The following GCN1 variants were observed in gnomAD, a reference collection of about 807,000 sequenced individuals.
GCN1 encodes stalled ribosome sensor GCN1.
In GCN1, 90 loss-of-function variants were observed where a neutral mutation model predicts 288.4. The observed-to-expected ratio is 0.31, with a 90% CI of 0.26 to 0.37. GCN1 has a LOEUF of 0.37. Ranked by LOEUF, GCN1 falls within the 10% of genes least tolerant of loss-of-function variation. The pLI, the probability that GCN1 is intolerant of heterozygous loss-of-function variation, is 1.00. For missense variants in GCN1, 2,586 were observed against 3,419.9 expected, an observed-to-expected ratio of 0.76 and a Z score of 6.08; for synonymous variants, 1,386 against 1,420.2, an observed-to-expected ratio of 0.98 and a Z score of 0.54.
chr12:120,129,173 G>C (rs1015713559), intron 57 of GCN1, 103 bp downstream of exon 57: 50 of 933,806 alleles, frequency 5.4e-5, no homozygotes, highest in Non-Finnish European at 8.2e-5. Context: ...TAGCACATCC[G>C]TGGTGGCAGA....
Position 120,144,343 on chromosome 12 carries a change from G to C in GCN1, c.5458C>G (p.Leu1820Val). 6.2e-7 allele frequency: 1 copy of C among 1,614,246 alleles called. No individual in the cohort carries two copies. Among genetic ancestry groups the C allele is most frequent in the Non-Finnish European group, 8.5e-7 (1 of 1,180,040 alleles). Residue 1820 changes from leucine (L) to valine (V), a missense_variant, in exon 42 of 58, where the codon CTA becomes GTA. Physicochemically the swap from Leu to Val is conservative, Grantham distance 32. Around this residue, in one of 8 missense-constraint regions of GCN1, gnomAD observed 371 missense variants for 572.6 expected, o/e 0.65. Coordinates refer to ENST00000300648, the MANE Select transcript of GCN1 (RefSeq NM_006836.2). This position sits in a 1 kb window ranked among gnomAD's most constrained non-coding sequence, Gnocchi z 4.7. ...AGGTCATCAAAGAGGCCTTGCTCTA[G>C]CTGGGGCAGCAGCAGGGCGATGGCT... ...ETAIALLLPQ[L>V]EQGLFDDLWR... is the part of the protein sequence containing the mutation.
intron 9 of GCN1, among the ~76,000 whole-genome samples, chr12:120,176,518 G>T (rs982215596): frequency 1.3e-5 from 2 of 152,210 alleles, no homozygotes; most frequent in African/African-American, 4.8e-5. Context: ...AATGTCTACA[G>T]AGGAGGTTCT....
At position 120,190,376 on chromosome 12, in the gene GCN1, C is replaced by A. The variant is rs1282705209; in HGVS notation, c.43G>T (p.Ala15Ser). 1.2e-6 allele frequency: 2 copies of A among 1,606,888 alleles called. No individual in the cohort carries two copies. The highest frequency in any genetic ancestry group is 1.7e-6 in the Non-Finnish European group (2 of 1,173,602). Residue 15 changes from alanine (A) to serine (S), a missense_variant, in exon 2 of 58, where the codon GCA becomes TCA. Around this residue, in one of 8 missense-constraint regions of GCN1, gnomAD observed 913 missense variants for 1,107.0 expected, o/e 0.82. Coordinates refer to ENST00000300648, the MANE Select transcript of GCN1 (RefSeq NM_006836.2). Reference protein sequence around the residue: ...TQVSETLKRFAGKVTTASVKE... With the variant: ...TQVSETLKRFSGKVTTASVKE... The stretch of plus-strand genomic sequence containing the variant: ...ACACTGGCTGTTGTCACCTTCCCTG[C>A]AAAACGCTTTAGTGTCTCGGAAACC...
intron 24 of GCN1, among the ~76,000 whole-genome samples, 183 bp downstream of exon 24, chr12:120,159,642 G>A (rs1180750945): frequency 3.3e-5 from 5 of 152,222 alleles, no homozygotes; most frequent in African/African-American, 4.8e-5. Context: ...TGGGAGAGAA[G>A]AGGAGGCACT....
intron 16 of GCN1, 44 bp downstream of exon 16, chr12:120,168,164 A>G: frequency 8.8e-7 from 1 of 1,141,600 alleles, no homozygotes; most frequent in Non-Finnish European, 1.3e-6. Flanking sequence ...TTCCAAAGAG[A>G]CTTTGCCTCA....
intron 35 of GCN1, 62 bp downstream of exon 35, chr12:120,149,860 A>C: frequency 6.2e-7 from 1 of 1,606,062 alleles, no homozygotes; most frequent in African/African-American, 1.3e-5. Context: ...GCCTGCAGAC[A>C]CAGCTGGGAA....
In GCN1 at chr12:120,144,616, C is replaced by T. The variant is rs762695278; in HGVS notation, c.5352+23G>A. 4.4e-6 allele frequency: 7 copies of T among 1,604,704 alleles called. No homozygotes were observed. The Admixed American group carries it at 6.7e-5, about 15-fold the overall frequency. ...TCCTGCCCTCCTCAAGGACTCTACCCTTGCCAAGGTCATGGTACCTACTTT... is the reference window on the plus strand; with the variant it reads ...TCCTGCCCTCCTCAAGGACTCTACCTTTGCCAAGGTCATGGTACCTACTTT... On this transcript the variant is annotated intron_variant, in intron 41 of 57. Transcript: ENST00000300648. This position sits in a 1 kb window ranked among gnomAD's most constrained non-coding sequence, Gnocchi z 4.7.
intron 2 of GCN1, among the ~76,000 whole-genome samples, chr12:120,188,510 A>G (rs1401672133): frequency 1.3e-5 from 2 of 151,124 alleles, no homozygotes; most frequent in African/African-American, 2.4e-5. Flanking sequence ...ATCACCTACT[A>G]CCATGGTGCT....
chr12:120,151,022 G>C (rs1306032526), intron 34 of GCN1, 123 bp downstream of exon 34: 3 of 1,045,852 alleles, frequency 2.9e-6, no homozygotes, highest in Non-Finnish European at 4.2e-6. Flanking sequence ...CACACAGCGG[G>C]GCCCTCTGTA....
At chr12:120,138,616 G>C in intron 46 of GCN1, 79 bp downstream of exon 46, 1 of 1,434,386 alleles carries the variant, frequency 7.0e-7, no homozygotes, top group East Asian at 2.3e-5. Flanking sequence ...TGCCTTGGCA[G>C]AATAATCGCC....
chr12:120,183,608 T>C lies in GCN1; in HGVS notation c.387A>G (p.Pro129=), dbSNP rs998427433. 2 of 1,613,538 alleles carry C rather than the reference T, an allele frequency of 1.2e-6. No homozygotes were observed. The highest frequency in any genetic ancestry group is 2.2e-5 in the South Asian group (2 of 91,068). The change falls in exon 5 of 58, where the codon CCA becomes CCG. Residue 129 remains proline (P), a synonymous_variant. Coordinates refer to ENST00000300648, the MANE Select transcript of GCN1 (RefSeq NM_006836.2). ...WTCLLVRIVF[P]SRAKRQGDIW... The stretch of plus-strand genomic sequence containing the variant: ...TGTCTCCTTGTCGCTTGGCTCTCGA[T>C]GGAAAGACAATGCGCACCAGGAGGC...
At chr12:120,151,459 G>T (rs756245202) in intron 33 of GCN1, 68 bp from the exon 34 acceptor site, 72 of 1,546,622 alleles carry the variant, frequency 4.7e-5, no homozygotes, top group Non-Finnish European at 5.7e-5. Flanking sequence ...TGGGGGGTCT[G>T]ACCATTCTAC....
rs1473401496 is a variant in GCN1, at chr12:120,158,350, A to G, written c.2905+110T>C. 33 of 920,584 alleles carry G rather than the reference A, an allele frequency of 3.6e-5. No individual in the cohort carries two copies. The highest frequency in any genetic ancestry group is 4.6e-5 in the Non-Finnish European group (29 of 624,370). 57.0% of individuals were successfully genotyped at this position (920,584 alleles called of 1,614,324 possible). On this transcript the variant is annotated intron_variant, in intron 25 of 57. Coordinates refer to ENST00000300648, the MANE Select transcript of GCN1 (RefSeq NM_006836.2). The surrounding 1 kb of genome is among the most constrained non-coding windows in gnomAD (Gnocchi z 4.3). ...AAGGTTCAATTCAGAAATCCTCCAT[A>G]TGGTCCAATCCCCCAGGCTCAGGAG...
At chr12:120,176,423 C>G (rs1382209177) in intron 9 of GCN1, among the ~76,000 whole-genome samples, 1 of 152,134 alleles carries the variant, frequency 6.6e-6, no homozygotes, top group Non-Finnish European at 1.5e-5. Flanking sequence ...AACATCCCAC[C>G]AACACATTTT....
chr12:120,146,952 G>T, intron 38 of GCN1, 100 bp downstream of exon 38: 1 of 635,528 alleles, frequency 1.6e-6, no homozygotes, highest in Non-Finnish European at 2.5e-6. Flanking sequence ...AGGGACTAAC[G>T]TCCATAACTT....
chr12:120,194,635 G>A (rs999410070), intron 1 of GCN1, 45 bp downstream of exon 1: 15 of 1,503,602 alleles, frequency 1.0e-5, no homozygotes, highest in African/African-American at 8.6e-5. Context: ...GCCACCGTCC[G>A]CACCCAGTCC....
rs1456154456 is a variant in GCN1 at position 120,136,708 on chromosome 12, A to G, written c.6802T>C (p.Leu2268=). 11 of 1,613,352 alleles carry G rather than the reference A, an allele frequency of 6.8e-6. No individual in the cohort carries two copies. The East Asian group carries it at 2.2e-4, about 33-fold the overall frequency. Residue 2268 remains leucine, a synonymous_variant, in exon 51 of 58, where the codon TTG becomes CTG. Coordinates refer to ENST00000300648, the MANE Select transcript of GCN1 (RefSeq NM_006836.2). ...KKGVTSILPV[L]REGVLTGSPE... is the part of the protein sequence containing the mutation. ...CTGCCAGTCAGGACTCCTTCCCGCA[A>G]CACTGGAAGGATGGAGGTCACTCCC...
chr12:120,159,602 A>G (rs1453885023), intron 24 of GCN1, among the ~76,000 whole-genome samples: 1 of 152,110 alleles, frequency 6.6e-6, no homozygotes, highest in African/African-American at 2.4e-5. Flanking sequence ...TCTAAAACCT[A>G]CTCCTCAGAG....
In GCN1 at chr12:120,162,860, C is replaced by T; in HGVS notation, c.2150G>A (p.Ser717Asn). The T allele has an allele frequency of 1.2e-6, 2 of 1,614,020 alleles. No homozygotes were observed. The highest frequency in any genetic ancestry group is 1.7e-6 in the Non-Finnish European group (2 of 1,179,996). Residue 717 changes from serine to asparagine, a missense_variant, in exon 20 of 58, where the codon AGT (serine) becomes AAT (asparagine). This residue lies in a region of GCN1 where 913 missense variants were observed against 1,107.0 expected (regional missense o/e 0.82). Coordinates refer to ENST00000300648, the MANE Select transcript of GCN1 (RefSeq NM_006836.2). Reference protein sequence around the residue: ...DQIIPRMTTQSPLNQSSMNAM... With the variant: ...DQIIPRMTTQNPLNQSSMNAM... ...TGTGCCCGTCACCTGGTTTAGGGGA[C>T]TCTGTGTGGTCATCCTGGGAATGAT...
Sources: allele counts gnomAD v4.1 joint callset (sites outside exome capture counted in the v4.1 genomes callset), GRCh38; gene constraint gnomAD v4.1.1; regional missense constraint gnomAD v4.1.1; non-coding constraint Gnocchi (gnomAD v3.1); transcripts MANE v1.5; gene names NCBI Gene and HGNC (gene_info 2026-07-23, HGNC 2026-07-21).